KCTD18: variants seen among roughly 807,000 people sequenced by gnomAD.
The protein encoded by KCTD18 is BTB/POZ domain-containing protein KCTD18.
Under a neutral mutation model 30.4 loss-of-function variants are expected in KCTD18, and 22 were observed. The ratio of observed to expected loss-of-function variants is 0.72; its 90% CI spans 0.52 to 1.03. The LOEUF (loss-of-function observed/expected upper bound fraction) is 1.03. Ranked by LOEUF, KCTD18 falls within the 50% of genes least tolerant of loss-of-function variation. The probability of loss-of-function intolerance (pLI) is 0.00; values close to 1 mark genes in which losing one functional copy is unlikely to be tolerated. For missense variants in KCTD18, 529 were observed against 547.6 expected (o/e 0.97, Z 0.34); for synonymous variants, 186 against 209.0 (o/e 0.89, Z 0.95).
rs2087867059 is a variant in KCTD18, at chr2:200,489,130, T to C, written c.*970A>G. 6.6e-6 allele frequency: 1 copy of C among 152,614 alleles called. No homozygotes were observed. 9.5% of individuals were successfully genotyped at this position (152,614 alleles called of 1,614,324 possible). ...CATACTCTCACTGAAAGTAGAAATA[T>C]GTGATCCAATTACAAAACATAACAT... On this transcript the variant is annotated 3_prime_UTR_variant, in exon 7 of 7. Coordinates refer to ENST00000359878, the MANE Select transcript of KCTD18 (RefSeq NM_152387.4).
chr2:200,493,871 T>C (rs1430009098), intron 5 of KCTD18, among the ~76,000 whole-genome samples: 1 of 152,186 alleles, frequency 6.6e-6, no homozygotes, highest in African/African-American at 2.4e-5. Context: ...ACTGGGTTGC[T>C]GTAACATCAA....
rs1403550110 is a variant in KCTD18 at position 200,506,024 on chromosome 2, G to C, written c.160+833C>G. 3.9e-5 allele frequency among the ~76,000 whole-genome samples: 6 copies of C among 152,004 alleles called. No individual in the cohort carries two copies. In the East Asian group the frequency reaches 1.2e-3, roughly 29 times the overall value. ...TCTGCCCAGGTAGAAACCAAGCCCT[G>C]GGCACCAGCCACTGGTGATTTTTTT... On this transcript the variant is annotated intron_variant, in intron 2 of 6. Transcript: ENST00000359878.
intron 5 of KCTD18, 34 bp from the exon 6 acceptor site, chr2:200,493,308 C>A (rs2087950374): frequency 8.5e-7 from 1 of 1,183,150 alleles, no homozygotes; most frequent in East Asian, 2.3e-5. Flanking sequence ...AAGACAGCTA[C>A]CATCCACTGC....
intron 6 of KCTD18, 136 bp from the exon 7 acceptor site, chr2:200,490,752 A>G (rs1476795136): frequency 2.4e-6 from 2 of 841,790 alleles, no homozygotes; most frequent in East Asian, 5.3e-5. Flanking sequence ...ATGGGCACCT[A>G]CCTCATCTCT....
At chr2:200,498,193 T>G (rs533989681) in intron 4 of KCTD18, among the ~76,000 whole-genome samples, 1 of 152,210 alleles carries the variant, frequency 6.6e-6, no homozygotes, top group Non-Finnish European at 1.5e-5. Flanking sequence ...ACCAGCATTA[T>G]GCCAGGCACT....
intron 5 of KCTD18, among the ~76,000 whole-genome samples, chr2:200,495,608 A>T (rs1399935613): frequency 6.6e-6 from 1 of 152,166 alleles, no homozygotes; most frequent in Non-Finnish European, 1.5e-5. Flanking sequence ...GTATATAAAA[A>T]ATTGTTTTTA....
chr2:200,499,507 G>A (rs1238705749), intron 3 of KCTD18, among the ~76,000 whole-genome samples: 2 of 151,980 alleles, frequency 1.3e-5, no homozygotes, highest in Admixed American at 1.3e-4. Flanking sequence ...ACACCTCTAC[G>A]CAAATAAACT....
rs1488891637 is a variant in KCTD18 at position 200,490,039 on chromosome 2, T to A, written c.*61A>T. 6.0e-6 allele frequency: 9 copies of A among 1,488,038 alleles called. No homozygotes were observed. The East Asian group carries it at 2.1e-4, about 34-fold the overall frequency. The allele number at this position is 1,488,038 out of a possible 1,614,324, so 92.2% of individuals were successfully genotyped here. ...CTGCATTAAGAAAGTGTCACTTCTT[T>A]GCGTCGAATGGGTTGAAAGCTTTGG... On this transcript the variant is annotated 3_prime_UTR_variant, in exon 7 of 7. Coordinates refer to ENST00000359878, the MANE Select transcript of KCTD18 (RefSeq NM_152387.4).
chr2:200,492,085 A>G (rs1364040270), intron 6 of KCTD18, among the ~76,000 whole-genome samples: 1 of 152,218 alleles, frequency 6.6e-6, no homozygotes, highest in East Asian at 1.9e-4. Flanking sequence ...TAACTAACAC[A>G]GAGGAGGGTC....
Position 200,489,593 on chromosome 2 carries a change from T to C in KCTD18, c.*507A>G, listed in dbSNP as rs2087873117. The C allele has an allele frequency of 6.6e-6, 1 of 152,550 alleles. No homozygotes were observed. Among genetic ancestry groups the C allele is most frequent in the Non-Finnish European group, 1.5e-5 (1 of 68,290 alleles). The allele number at this position is 152,550 out of a possible 1,614,324, so 9.4% of individuals were successfully genotyped here. A position where few individuals can be genotyped will look rare whatever the true frequency, so the allele number is the denominator to read the frequency against. ...TTCCTCCCCATCATTTCTTTTCACG[T>C]TGCCTTTGGAGACAGAGTAATTTGT... On this transcript the variant is annotated 3_prime_UTR_variant, in exon 7 of 7. Transcript: ENST00000359878.
At chr2:200,502,485 A>G (rs1295691982) in intron 3 of KCTD18, among the ~76,000 whole-genome samples, 1 of 152,054 alleles carries the variant, frequency 6.6e-6, no homozygotes, top group Admixed American at 6.6e-5. Context: ...AACCAGATTG[A>G]TTTTACTTTT....
chr2:200,491,988 G>A (rs1438964324), intron 6 of KCTD18, among the ~76,000 whole-genome samples: 1 of 152,140 alleles, frequency 6.6e-6, no homozygotes, highest in Non-Finnish European at 1.5e-5. Context: ...ATGGCTCCTT[G>A]GGACCTTACA....
rs528581353 is a variant in KCTD18 at position 200,490,475 on chromosome 2, G to A, written c.906C>T (p.Ala302=). The change falls in exon 7 of 7, where the codon GCC becomes GCT. Residue 302 remains alanine, a synonymous_variant. Transcript: ENST00000359878. Reference sequence around the variant, plus strand: ...CTGTCGCCCCAGCCGACGTCTGGATGGCACTGGCTGGAGACACCGTGACTG... The same window carrying A: ...CTGTCGCCCCAGCCGACGTCTGGATAGCACTGGCTGGAGACACCGTGACTG... ...SASVTVSPAS[A]IQTSAGATAN... 6.2e-6 allele frequency: 10 copies of A among 1,613,004 alleles called. No homozygotes were observed. In the East Asian group the frequency reaches 2.2e-4, roughly 36 times the overall value.
intron 3 of KCTD18, among the ~76,000 whole-genome samples, chr2:200,503,110 C>T (rs1372313627): frequency 6.6e-6 from 1 of 151,814 alleles, no homozygotes; most frequent in African/African-American, 2.4e-5. Context: ...AAGGGTTTCA[C>T]CCAGTGAAGC....
At chr2:200,504,413 C>G (rs1244875969) in intron 3 of KCTD18, among the ~76,000 whole-genome samples, 2 of 150,962 alleles carry the variant, frequency 1.3e-5, no homozygotes, top group African/African-American at 4.9e-5. Context: ...GAGCCAAAAT[C>G]CCGCCACTGC....
chr2:200,498,836 T>C, intron 4 of KCTD18, 55 bp downstream of exon 4: 2 of 1,512,652 alleles, frequency 1.3e-6, no homozygotes, highest in Non-Finnish European at 1.8e-6. Context: ...GAAACACCTC[T>C]TAAAAGAGAC....
At chr2:200,498,568 C>T (rs1490854250) in intron 4 of KCTD18, among the ~76,000 whole-genome samples, 3 of 152,222 alleles carry the variant, frequency 2.0e-5, no homozygotes, top group Admixed American at 2.0e-4. Context: ...TCTAGGAAGA[C>T]ACCAGGCATG....
At position 200,507,041 on chromosome 2, in the gene KCTD18, T is replaced by C; in HGVS notation, c.-25A>G. 6.3e-7 allele frequency: 1 copy of C among 1,590,528 alleles called. No homozygotes were observed. Among genetic ancestry groups the C allele is most frequent in the Non-Finnish European group, 8.6e-7 (1 of 1,164,622 alleles). On this transcript the variant is annotated 5_prime_UTR_variant, in exon 2 of 7. Coordinates refer to ENST00000359878, the MANE Select transcript of KCTD18 (RefSeq NM_152387.4). ...TTTCTCCCCCAGGCACCTGAATTTT[T>C]GCCGCCCAACACTTTCAGAAACTTC... is the stretch of plus-strand genomic sequence containing the variant.
At position 200,490,426 on chromosome 2, in the gene KCTD18, G is replaced by A. The variant is rs761369148; in HGVS notation, c.955C>T (p.Arg319Cys). Reference sequence around the variant, plus strand: ...GCAGAGCGCTGAGCTGCCTTTCTGCGGCTACCACTTTGAAACCGGTTTGCT... The same window carrying A: ...GCAGAGCGCTGAGCTGCCTTTCTGCAGCTACCACTTTGAAACCGGTTTGCT... ...ATANRFQSGS[R>C]RKAAQRSAPS... Residue 319 changes from arginine (R) to cysteine (C), a missense_variant, in exon 7 of 7, where the codon CGC (arginine) becomes TGC (cysteine). By Grantham distance (180) the Arg-to-Cys change is radical (BLOSUM62 -3). Coordinates refer to ENST00000359878, the MANE Select transcript of KCTD18 (RefSeq NM_152387.4). 63 of 1,613,986 alleles carry A rather than the reference G, an allele frequency of 3.9e-5. No individual in the cohort carries two copies. Among genetic ancestry groups the A allele is most frequent in the African/African-American group, 6.7e-5 (5 of 74,910 alleles).
Sources: allele counts gnomAD v4.1 joint callset (sites outside exome capture counted in the v4.1 genomes callset), GRCh38; gene constraint gnomAD v4.1.1; transcripts MANE v1.5; gene names NCBI Gene and HGNC (gene_info 2026-07-23, HGNC 2026-07-21).